AXDND1: variants seen among roughly 807,000 people sequenced by gnomAD.
The protein encoded by AXDND1 is axonemal dynein light chain domain containing 1.
In AXDND1, 110 loss-of-function variants were observed where a neutral mutation model predicts 137.5. That is an observed-to-expected ratio of 0.80 (90% CI 0.69 to 0.94). AXDND1 has a LOEUF of 0.94. Among genes scored for constraint, AXDND1 ranks in the 40% least tolerant of loss-of-function variants. The probability of loss-of-function intolerance (pLI) is 0.00; values close to 1 mark genes in which losing one functional copy is unlikely to be tolerated. For synonymous variants in AXDND1, 414 were observed against 399.7 expected (o/e 1.04, Z -0.43); for missense variants, 1,191 against 1,169.8 (o/e 1.02, Z -0.26).
chr1:179,442,220 G>T (rs112005125), intron 15 of AXDND1, among the ~76,000 whole-genome samples: 1 of 152,164 alleles, frequency 6.6e-6, no homozygotes, highest in African/African-American at 2.4e-5. Context: ...GGAAGAGGCG[G>T]TATAGGCCAC....
At position 179,537,730 on chromosome 1, in the gene AXDND1, C is replaced by CT. The variant is rs567189295; in HGVS notation, c.3031+2776dup. 6.1e-4 allele frequency among the ~76,000 whole-genome samples: 93 copies of CT among 152,038 alleles called. 1 individual carries two copies. The highest frequency in any genetic ancestry group is 3.4e-3 in the Middle Eastern group (1 of 294). On this transcript the variant is annotated intron_variant, in intron 25 of 25. Coordinates refer to ENST00000367618, the MANE Select transcript of AXDND1 (RefSeq NM_144696.6). Reference sequence around the variant, plus strand: ...CATAAAATAAGTTAGGCAGGATTCCCTTTTTTTTATTAATCAGAATAGTTT... The same window carrying CT: ...CATAAAATAAGTTAGGCAGGATTCCCTTTTTTTTTATTAATCAGAATAGTTT...
At chr1:179,524,865 A>G (rs1670389362) in intron 21 of AXDND1, among the ~76,000 whole-genome samples, 1 of 152,194 alleles carries the variant, frequency 6.6e-6, no homozygotes, top group Admixed American at 6.5e-5. Context: ...TGCCTTCAGG[A>G]TAAGAGCCAA....
At chr1:179,524,952 A>G (rs796281773) in intron 21 of AXDND1, among the ~76,000 whole-genome samples, 8 of 152,222 alleles carry the variant, frequency 5.3e-5, no homozygotes, top group African/African-American at 1.4e-4. Context: ...TTTTTGTCCT[A>G]TTGAACTATG....
intron 25 of AXDND1, chr1:179,545,928 A>G (rs1672601483): frequency 6.6e-6 from 1 of 152,190 alleles, no homozygotes; most frequent in Non-Finnish European, 1.5e-5. Context: ...TAATGTATTG[A>G]AAGGATGCTG....
intron 21 of AXDND1, among the ~76,000 whole-genome samples, chr1:179,523,096 C>T (rs1361576280): frequency 2.6e-5 from 4 of 151,872 alleles, no homozygotes; most frequent in Non-Finnish European, 5.9e-5. Context: ...TTTTGGCTTT[C>T]CTCGTGGCCT....
At chr1:179,538,575 G>A (rs1021944338) in intron 25 of AXDND1, among the ~76,000 whole-genome samples, 8 of 152,254 alleles carry the variant, frequency 5.3e-5, no homozygotes, top group African/African-American at 1.7e-4. Flanking sequence ...TGTGATTTCT[G>A]CTCTTTTATA....
intron 15 of AXDND1, among the ~76,000 whole-genome samples, chr1:179,440,485 G>T (rs1253008130): frequency 6.6e-6 from 1 of 152,228 alleles, no homozygotes; most frequent in Non-Finnish European, 1.5e-5. Flanking sequence ...AACCTCATAG[G>T]TTACAGCATT....
chr1:179,552,642 C>T lies in AXDND1; in HGVS notation c.3032-1870C>T. ...GTCTTTGCGCTTCAGCCTCCACAGC[C>T]AGTGAGTGCTGAAGCCCAGCTGGCA... On this transcript the variant is annotated intron_variant, in intron 25 of 25. Coordinates refer to ENST00000367618, the MANE Select transcript of AXDND1 (RefSeq NM_144696.6). The T allele has an allele frequency of 1.2e-6, 2 of 1,613,978 alleles. No homozygotes were observed. The highest frequency in any genetic ancestry group is 1.7e-6 in the Non-Finnish European group (2 of 1,179,964).
chr1:179,442,908 CA>C (rs1057081071), intron 15 of AXDND1, among the ~76,000 whole-genome samples: 55 of 152,262 alleles, frequency 3.6e-4, no homozygotes, highest in Middle Eastern at 6.8e-3. Context: ...AAGAAGGGGT[CA>C]GGGGGCACCT....
At chr1:179,379,731 G>A (rs1288760566) in intron 6 of AXDND1, among the ~76,000 whole-genome samples, 1 of 149,870 alleles carries the variant, frequency 6.7e-6, no homozygotes, top group Non-Finnish European at 1.5e-5. Flanking sequence ...GGGAGGCGGA[G>A]GTTGCAGTGA....
intron 17 of AXDND1, among the ~76,000 whole-genome samples, chr1:179,469,053 C>T (rs1455421652): frequency 1.3e-5 from 2 of 152,100 alleles, no homozygotes; most frequent in Non-Finnish European, 1.5e-5. Flanking sequence ...CCTTAGCCTC[C>T]TGAGTAGCTG....
intron 12 of AXDND1, among the ~76,000 whole-genome samples, chr1:179,416,061 T>G (rs1331559048): frequency 6.6e-6 from 1 of 152,188 alleles, no homozygotes; most frequent in African/African-American, 2.4e-5. Flanking sequence ...CATATACTTG[T>G]ACCCATTAAT....
chr1:179,445,969 A>G (rs546820828), intron 16 of AXDND1, among the ~76,000 whole-genome samples: 1 of 152,294 alleles, frequency 6.6e-6, no homozygotes, highest in East Asian at 1.9e-4. Flanking sequence ...CCAGCAGTGT[A>G]TGAAGGTTCC....
At chr1:179,553,277 A>G (rs1405083804) in intron 25 of AXDND1, among the ~76,000 whole-genome samples, 2 of 152,256 alleles carry the variant, frequency 1.3e-5, no homozygotes, top group African/African-American at 4.8e-5. Context: ...AAGATAATTG[A>G]AAACGTGTTC....
At chr1:179,507,502 C>A (rs989021500) in intron 20 of AXDND1, among the ~76,000 whole-genome samples, 3 of 152,140 alleles carry the variant, frequency 2.0e-5, no homozygotes, top group Admixed American at 1.3e-4. Context: ...ATTAGTCAAG[C>A]TTTATATCTG....
At chr1:179,481,121 T>C (rs71630225) in intron 17 of AXDND1, among the ~76,000 whole-genome samples, 20,908 of 152,022 alleles carry the variant, frequency 0.14, 1,593 homozygotes, top group East Asian at 0.35. Context: ...CTCCTAATGC[T>C]GTCCCTCCCC....
intron 18 of AXDND1, among the ~76,000 whole-genome samples, chr1:179,491,306 C>T (rs937237364): frequency 2.6e-5 from 4 of 151,674 alleles, no homozygotes; most frequent in Non-Finnish European, 4.4e-5. Flanking sequence ...AGTGACACCC[C>T]GTTTCAAAAA....
chr1:179,369,131 G>A (rs948822464), intron 3 of AXDND1, among the ~76,000 whole-genome samples, 159 bp downstream of exon 3: 2 of 152,192 alleles, frequency 1.3e-5, no homozygotes, highest in African/African-American at 4.8e-5. Flanking sequence ...AGGCTGGAGA[G>A]TAGTGGCCTG....
intron 17 of AXDND1, among the ~76,000 whole-genome samples, chr1:179,475,626 GT>G (rs555297822): frequency 6.6e-6 from 1 of 152,042 alleles, no homozygotes; most frequent in Admixed American, 6.6e-5. Context: ...GGAATTAACT[GT>G]TTTTTTTATT....
Sources: allele counts gnomAD v4.1 joint callset (sites outside exome capture counted in the v4.1 genomes callset), GRCh38; gene constraint gnomAD v4.1.1; transcripts MANE v1.5; gene names NCBI Gene and HGNC (gene_info 2026-07-23, HGNC 2026-07-21).